The following CELSR1 variants were observed in gnomAD, a reference collection of about 807,000 sequenced individuals.
The protein encoded by CELSR1 is adhesion G protein-coupled receptor C1.
A neutral mutation model predicts 249.1 loss-of-function variants in CELSR1; 110 were observed. The observed-to-expected ratio is 0.44, with a 90% CI of 0.38 to 0.52. The LOEUF (loss-of-function observed/expected upper bound fraction) is 0.52, where lower values mean the gene tolerates loss of function less well. Among genes scored for constraint, CELSR1 ranks in the 20% least tolerant of loss-of-function variants. The pLI is 0.00. For synonymous variants in CELSR1, 2,113 were observed against 1,900.0 expected (o/e 1.11, Z -2.92); for missense variants, 4,109 against 4,296.4 (o/e 0.96, Z 1.22).
At chr22:46,501,442 G>A (rs1388966684) in intron 1 of CELSR1, among the ~76,000 whole-genome samples, 1 of 152,040 alleles carries the variant, frequency 6.6e-6, no homozygotes, top group Non-Finnish European at 1.5e-5. Flanking sequence ...CTGACCTCAG[G>A]TGATCCACCC....
intron 1 of CELSR1, among the ~76,000 whole-genome samples, chr22:46,507,745 G>A (rs1219033261): frequency 6.6e-6 from 1 of 152,064 alleles, no homozygotes; most frequent in African/African-American, 2.4e-5. Flanking sequence ...TAGAGTACTG[G>A]GGAGCCTGTT....
rs372911199 is a variant in CELSR1 at position 46,521,774 on chromosome 22, G to A, written c.3544+11853C>T. Among the ~76,000 whole-genome samples the A allele has an allele frequency of 1.4e-3, 215 of 152,244 alleles. 2 individuals are homozygous for A. Among genetic ancestry groups the A allele is most frequent in the Non-Finnish European group, 2.9e-4 (20 of 68,016 alleles). Reference sequence around the variant, plus strand: ...AGAGGCCGCAGTGAGCCAAGATCGCGCCATTGCACTCCAGCCTGGGCAACA... The same window carrying A: ...AGAGGCCGCAGTGAGCCAAGATCGCACCATTGCACTCCAGCCTGGGCAACA... On this transcript the variant is annotated intron_variant, in intron 1 of 34. Transcript: ENST00000674500.
intron 1 of CELSR1, among the ~76,000 whole-genome samples, chr22:46,507,381 G>A (rs1218575756): frequency 1.3e-5 from 2 of 152,000 alleles, no homozygotes; most frequent in Non-Finnish European, 2.9e-5. Context: ...CACCATCACT[G>A]CCTCCCCTTC....
intron 5 of CELSR1, among the ~76,000 whole-genome samples, chr22:46,422,780 A>AAAAAAAAAAAAAAAAG (rs1337523194): frequency 2.0e-5 from 3 of 148,684 alleles, no homozygotes; most frequent in African/African-American, 7.7e-5. Flanking sequence ...AAAAAAAAAA[A>AAAAAAAAAAAAAAAAG]TGGCTCATAG....
At chr22:46,486,531 G>A (rs1411091613) in intron 1 of CELSR1, among the ~76,000 whole-genome samples, 1 of 151,236 alleles carries the variant, frequency 6.6e-6, no homozygotes, top group Non-Finnish European at 1.5e-5. Context: ...CTGGGCGACA[G>A]ACTGAGACTC....
chr22:46,441,189 G>T lies in CELSR1; in HGVS notation c.4184-1778C>A, dbSNP rs1263303874. 1.3e-5 allele frequency among the ~76,000 whole-genome samples: 2 copies of T among 151,664 alleles called. No individual in the cohort carries two copies. The highest frequency in any genetic ancestry group is 2.4e-5 in the African/African-American group (1 of 41,182). On this transcript the variant is annotated intron_variant, in intron 2 of 34. Coordinates refer to ENST00000674500, the MANE Select transcript of CELSR1 (RefSeq NM_001378328.1). This position sits in a 1 kb window ranked among gnomAD's most constrained non-coding sequence, Gnocchi z 6.1. ...AAAAAGAGAGACTGCTATAAAGATG[G>T]AACTGGGGGGACATCCAATGTGAGG...
chr22:46,379,314 T>C lies in CELSR1; in HGVS notation c.7257-597A>G, dbSNP rs568930678. 4.6e-5 allele frequency among the ~76,000 whole-genome samples: 7 copies of C among 152,350 alleles called. No homozygotes were observed. The South Asian group carries it at 1.4e-3, about 32-fold the overall frequency. On this transcript the variant is annotated intron_variant, in intron 22 of 34. Transcript: ENST00000674500. ...AAGGTGTTATAAGGTGTGTCTCAGC[T>C]TCAGACAGGGCCCTGCCCTCGCAGA...
At chr22:46,532,235 T>C (rs942222190) in intron 1 of CELSR1, among the ~76,000 whole-genome samples, 3 of 152,384 alleles carry the variant, frequency 2.0e-5, no homozygotes, top group Non-Finnish European at 4.4e-5. Flanking sequence ...TTTCCCATTG[T>C]GCTTTATCTA....
rs1343132940 is a variant in CELSR1, at chr22:46,472,478, C to T, written c.3545-8133G>A. 6.6e-6 allele frequency among the ~76,000 whole-genome samples: 1 copy of T among 152,084 alleles called. No homozygotes were observed. The highest frequency in any genetic ancestry group is 2.4e-5 in the African/African-American group (1 of 41,418). Reference sequence around the variant, plus strand: ...TGGCGGCTGTGGGTGAAGAGCAGCGCAGCTGATGCTGGACGGCCCCGGGAG... The same window carrying T: ...TGGCGGCTGTGGGTGAAGAGCAGCGTAGCTGATGCTGGACGGCCCCGGGAG... On this transcript the variant is annotated intron_variant, in intron 1 of 34. Transcript: ENST00000674500. This position sits in a 1 kb window ranked among gnomAD's most constrained non-coding sequence, Gnocchi z 7.0.
intron 1 of CELSR1, among the ~76,000 whole-genome samples, chr22:46,493,242 C>A (rs980455875): frequency 6.7e-6 from 1 of 148,776 alleles, no homozygotes; most frequent in Non-Finnish European, 1.5e-5. Context: ...AGAAAAAGAC[C>A]CTGACTCAAA....
Position 46,446,600 on chromosome 22 carries a change from C to T in CELSR1, c.4184-7189G>A, listed in dbSNP as rs1016815624. Among the ~76,000 whole-genome samples the T allele has an allele frequency of 6.6e-6, 1 of 151,526 alleles. No individual in the cohort carries two copies. Among genetic ancestry groups the T allele is most frequent in the Non-Finnish European group, 1.5e-5 (1 of 67,936 alleles). ...ATGCTGAGCACCTGGCAGGGAGGGT[C>T]GCAGGGGGTCGGTGGGGGGGAAAGC... On this transcript the variant is annotated intron_variant, in intron 2 of 34. Coordinates refer to ENST00000674500, the MANE Select transcript of CELSR1 (RefSeq NM_001378328.1). The surrounding 1 kb of genome is among the most constrained non-coding windows in gnomAD (Gnocchi z 5.5).
intron 1 of CELSR1, among the ~76,000 whole-genome samples, chr22:46,531,134 T>C (rs2080787575): frequency 6.6e-6 from 1 of 152,226 alleles, no homozygotes; most frequent in Non-Finnish European, 1.5e-5. Flanking sequence ...AGTGATTTAC[T>C]TATTTGGAGC....
At chr22:46,387,490 C>T (rs1449293320) in intron 18 of CELSR1, among the ~76,000 whole-genome samples, 4 of 145,898 alleles carry the variant, frequency 2.7e-5, no homozygotes, top group African/African-American at 8.4e-5. Flanking sequence ...AAGCAATTCT[C>T]GTGCCTCAGC....
Position 46,534,983 on chromosome 22 carries a change from G to A in CELSR1, c.2188C>T (p.Arg730Trp), listed in dbSNP as rs990837498. 5.0e-6 allele frequency: 8 copies of A among 1,611,942 alleles called. No individual in the cohort carries two copies. The highest frequency in any genetic ancestry group is 1.7e-5 in the Admixed American group (1 of 59,986). ...TGGCTGCTGAGTGCAAAGCGGTTCC[G>A]GGTGTTGCCGCCTGTGAGCTGGTAG... Reference protein sequence around the residue: ...ITYQLTGGNTRNRFALSSQRG... With the variant: ...ITYQLTGGNTWNRFALSSQRG... Residue 730 changes from arginine (R) to tryptophan (W), a missense_variant, in exon 1 of 35, where the codon CGG (arginine) becomes TGG (tryptophan). Arg to Trp is a moderately radical substitution (Grantham distance 101). Coordinates refer to ENST00000674500, the MANE Select transcript of CELSR1 (RefSeq NM_001378328.1). This position sits in a 1 kb window ranked among gnomAD's most constrained non-coding sequence, Gnocchi z 9.7.
Position 46,524,542 on chromosome 22 carries a change from G to A in CELSR1, c.3544+9085C>T, listed in dbSNP as rs548228634. ...AACGGCCCCCACCCCCGTTGTGTGC[G>A]TGTGTGTGTGTGTGTGTGTGTGTGT... is the stretch of plus-strand genomic sequence containing the variant. On this transcript the variant is annotated intron_variant, in intron 1 of 34. Transcript: ENST00000674500. Among the ~76,000 whole-genome samples, 4 of 48,846 alleles carry A rather than the reference G, an allele frequency of 8.2e-5. No homozygotes were observed. In the South Asian group the frequency reaches 2.3e-3, roughly 28 times the overall value. 32.0% of individuals were successfully genotyped at this position (48,846 alleles called of 152,430 possible).
In CELSR1 at chr22:46,441,185, G is replaced by T. The variant is rs2079743829; in HGVS notation, c.4184-1774C>A. ...AAAAAAAAAGAGAGACTGCTATAAA[G>T]ATGGAACTGGGGGGACATCCAATGT... On this transcript the variant is annotated intron_variant, in intron 2 of 34. Transcript: ENST00000674500. The surrounding 1 kb of genome is among the most constrained non-coding windows in gnomAD (Gnocchi z 6.1). Among the ~76,000 whole-genome samples, 1 of 150,780 alleles carries T rather than the reference G, an allele frequency of 6.6e-6. No individual in the cohort carries two copies. The highest frequency in any genetic ancestry group is 2.1e-4 in the South Asian group (1 of 4,786).
chr22:46,431,607 G>T (rs2079596455), intron 5 of CELSR1, among the ~76,000 whole-genome samples: 1 of 152,210 alleles, frequency 6.6e-6, no homozygotes, highest in Non-Finnish European at 1.5e-5. Context: ...CTGGTGTCCA[G>T]CCCCAGCTGG....
chr22:46,478,762 C>A (rs1400489945), intron 1 of CELSR1, among the ~76,000 whole-genome samples: 6 of 151,398 alleles, frequency 4.0e-5, no homozygotes, highest in Non-Finnish European at 8.8e-5. Context: ...CCATGTTAGC[C>A]AGGCTGGTCT....
chr22:46,509,980 A>C (rs1407961661), intron 1 of CELSR1, among the ~76,000 whole-genome samples: 1 of 152,178 alleles, frequency 6.6e-6, no homozygotes, highest in Non-Finnish European at 1.5e-5. Context: ...ACTTCATGCC[A>C]CATCTGGCCA....
Sources: gnomAD v4.1 joint callset for allele counts (sites outside exome capture counted in the v4.1 genomes callset) on GRCh38, gnomAD v4.1.1 for gene constraint, Gnocchi (gnomAD v3.1) non-coding constraint, MANE v1.5 for transcripts, NCBI Gene and HGNC (gene_info 2026-07-23, HGNC 2026-07-21) for gene names.